Variants in STK24 observed in about 807,000 individuals in gnomAD.
STK24 encodes the protein serine/threonine-protein kinase 24.
STK24 carries 21 observed loss-of-function variants against 55.6 expected under a neutral mutation model. The ratio of observed to expected loss-of-function variants is 0.38; its 90% CI spans 0.27 to 0.54. STK24 has a LOEUF of 0.54. Ranked by LOEUF, STK24 falls within the 20% of genes least tolerant of loss-of-function variation. STK24 has a pLI of 0.79. For missense variants in STK24, 383 were observed against 538.4 expected (o/e 0.71, Z 2.86); for synonymous variants, 200 against 215.2 (o/e 0.93, Z 0.62).
chr13:98,566,722 C>T (rs1166200286), intron 1 of STK24, among the ~76,000 whole-genome samples: 1 of 152,202 alleles, frequency 6.6e-6, no homozygotes, highest in African/African-American at 2.4e-5. Flanking sequence ...CTACCCACAG[C>T]AAGCAACAGG....
chr13:98,501,063 C>A (rs1166208537), intron 2 of STK24, among the ~76,000 whole-genome samples: 1 of 152,170 alleles, frequency 6.6e-6, no homozygotes, highest in Non-Finnish European at 1.5e-5. Context: ...AGGGAAACCA[C>A]AACAGAGGGT....
At chr13:98,502,335 GAA>G (rs1283090355) in intron 2 of STK24, among the ~76,000 whole-genome samples, 1 of 152,178 alleles carries the variant, frequency 6.6e-6, no homozygotes, top group Admixed American at 6.5e-5. Context: ...GGGGCAGGAG[GAA>G]AAGACTGACA....
chr13:98,487,959 C>T (rs140786621), intron 2 of STK24, among the ~76,000 whole-genome samples: 1 of 152,046 alleles, frequency 6.6e-6, no homozygotes, highest in Non-Finnish European at 1.5e-5. Context: ...ACAGTGTCAT[C>T]AAGTTTTATT....
chr13:98,543,219 G>A (rs1332636146), intron 1 of STK24, among the ~76,000 whole-genome samples: 1 of 152,168 alleles, frequency 6.6e-6, no homozygotes, highest in Non-Finnish European at 1.5e-5. Flanking sequence ...AACACTTGAA[G>A]GGCAAACCAA....
At chr13:98,521,390 A>C (rs923173702) in intron 1 of STK24, among the ~76,000 whole-genome samples, 1 of 152,216 alleles carries the variant, frequency 6.6e-6, no homozygotes, top group Admixed American at 6.5e-5. Context: ...TTTAAAAAAC[A>C]CAGTCCAAGA....
At chr13:98,493,608 T>A (rs2139328091) in intron 2 of STK24, among the ~76,000 whole-genome samples, 2 of 152,306 alleles carry the variant, frequency 1.3e-5, no homozygotes, top group East Asian at 3.9e-4. Context: ...GTAACACGTG[T>A]TCTTTCTGCA....
intron 1 of STK24, among the ~76,000 whole-genome samples, chr13:98,555,753 T>C (rs1428470404): frequency 6.1e-4 from 81 of 132,174 alleles, no homozygotes; most frequent in Non-Finnish European, 1.2e-3. Flanking sequence ...CAATCTCCGC[T>C]CACTGCAAGC....
intron 2 of STK24, among the ~76,000 whole-genome samples, chr13:98,502,057 T>C (rs72655623): frequency 0.048 from 7,300 of 152,258 alleles, 203 homozygotes; most frequent in South Asian, 0.12. Flanking sequence ...CAGGAAGCTA[T>C]TGCCCCGTCT....
intron 1 of STK24, among the ~76,000 whole-genome samples, chr13:98,563,933 TAAAAC>T (rs1284280848): frequency 2.0e-5 from 3 of 151,182 alleles, no homozygotes; most frequent in Admixed American, 1.3e-4. Flanking sequence ...ACAATGCACT[TAAAAC>T]CAAAAGCAAA....
intron 1 of STK24, among the ~76,000 whole-genome samples, chr13:98,568,606 C>T (rs1897649742): frequency 6.6e-6 from 1 of 152,174 alleles, no homozygotes; most frequent in Admixed American, 6.5e-5. Context: ...GTGGCTCACA[C>T]CTGTAATCCC....
chr13:98,478,105 A>C lies in STK24; in HGVS notation c.331-2747T>G, dbSNP rs1331696174. On this transcript the variant is annotated intron_variant, in intron 3 of 10. Coordinates refer to ENST00000539966, the MANE Select transcript of STK24 (RefSeq NM_001032296.4). ...GGTATTCGGCTGCTGTCTACCCCCC[A>C]GAGTGCCTCATGAGCAGCTCGGACC... 7.2e-5 allele frequency among the ~76,000 whole-genome samples: 11 copies of C among 152,254 alleles called. No homozygotes were observed. The East Asian group carries it at 7.7e-4, about 11-fold the overall frequency.
chr13:98,556,223 G>A (rs117002333), intron 1 of STK24, among the ~76,000 whole-genome samples: 1 of 152,192 alleles, frequency 6.6e-6, no homozygotes, highest in East Asian at 1.9e-4. Context: ...CTTGCCACAG[G>A]GATCAGTCCA....
intron 3 of STK24, among the ~76,000 whole-genome samples, chr13:98,476,317 G>A (rs1894374903): frequency 2.1e-5 from 3 of 145,742 alleles, no homozygotes; most frequent in South Asian, 2.2e-4. Context: ...AAAGCCACCA[G>A]TGCTCCCCGG....
chr13:98,470,650 TCCTGAGTGACCAC>T (rs1894108893), intron 5 of STK24, among the ~76,000 whole-genome samples: 1 of 152,214 alleles, frequency 6.6e-6, no homozygotes, highest in South Asian at 2.1e-4. Flanking sequence ...TGGGGCATGC[TCCTGAGTGACCAC>T]CCTGAGTTCT....
chr13:98,525,332 G>C (rs912336), intron 1 of STK24, among the ~76,000 whole-genome samples: 128,946 of 152,300 alleles, frequency 0.85, 55,058 homozygotes, highest in Non-Finnish European at 0.91. Flanking sequence ...CCCACAGCCC[G>C]TGCCTGAAAG....
intron 1 of STK24, among the ~76,000 whole-genome samples, chr13:98,536,902 G>A (rs886554936): frequency 6.6e-6 from 1 of 151,970 alleles, no homozygotes; most frequent in Non-Finnish European, 1.5e-5. Context: ...ACACTCCTCC[G>A]CCTGTCCTCC....
At chr13:98,507,517 G>A (rs1375344131) in intron 2 of STK24, among the ~76,000 whole-genome samples, 1 of 152,184 alleles carries the variant, frequency 6.6e-6, no homozygotes, top group African/African-American at 2.4e-5. Flanking sequence ...AAAGATAAGG[G>A]CTAGCCACCT....
intron 1 of STK24, among the ~76,000 whole-genome samples, chr13:98,570,158 C>T (rs1566410573): frequency 6.6e-6 from 1 of 152,072 alleles, no homozygotes; most frequent in Non-Finnish European, 1.5e-5. Context: ...GGATTACAGG[C>T]GTGAGCCACC....
At chr13:98,516,969 G>T (rs1330808841) in intron 2 of STK24, among the ~76,000 whole-genome samples, 3 of 152,198 alleles carry the variant, frequency 2.0e-5, no homozygotes, top group Non-Finnish European at 4.4e-5. Context: ...GGAATCTCTA[G>T]ATACATGCAG....
Sources: allele counts gnomAD v4.1 joint callset (sites outside exome capture counted in the v4.1 genomes callset), GRCh38; gene constraint gnomAD v4.1.1; transcripts MANE v1.5; gene names NCBI Gene and HGNC (gene_info 2026-07-23, HGNC 2026-07-21).